Variants in DLGAP2 observed in about 807,000 individuals in gnomAD.
The protein encoded by DLGAP2 is DLG associated protein 2.
In DLGAP2, 26 loss-of-function variants were observed where a neutral mutation model predicts 100.3. The ratio of observed to expected loss-of-function variants is 0.26; its 90% CI spans 0.19 to 0.36. DLGAP2 has a LOEUF of 0.36. Among genes scored for constraint, DLGAP2 ranks in the 10% least tolerant of loss-of-function variants. DLGAP2 has a pLI of 1.00. For synonymous variants in DLGAP2, 886 were observed against 630.1 expected, an observed-to-expected ratio of 1.41 and a Z score of -6.08; for missense variants, 1,858 against 1,453.2, an observed-to-expected ratio of 1.28 and a Z score of -4.53.
chr8:825,273 C>T (rs1235636485), intron 1 of DLGAP2, among the ~76,000 whole-genome samples: 2 of 152,218 alleles, frequency 1.3e-5, no homozygotes, highest in Non-Finnish European at 2.9e-5. Flanking sequence ...TCAGGTTGTG[C>T]TGTTAGATTC....
chr8:1,212,124 A>T (rs775990094), intron 2 of DLGAP2, among the ~76,000 whole-genome samples: 1 of 152,198 alleles, frequency 6.6e-6, no homozygotes, highest in Non-Finnish European at 1.5e-5. Flanking sequence ...AGAATATCGA[A>T]TGTGCAGAAA....
At chr8:963,620 G>A (rs1186849999) in intron 2 of DLGAP2, among the ~76,000 whole-genome samples, 2 of 152,106 alleles carry the variant, frequency 1.3e-5, no homozygotes, top group Non-Finnish European at 2.9e-5. Flanking sequence ...TTTACAAAAA[G>A]GAAATTGAGA....
chr8:897,837 G>A (rs951932280), intron 1 of DLGAP2, among the ~76,000 whole-genome samples: 1 of 152,276 alleles, frequency 6.6e-6, no homozygotes, highest in South Asian at 2.1e-4. Context: ...TCTCCGTGCG[G>A]GGTTGGCTCC....
At chr8:1,640,290 G>A (rs1475070446) in intron 8 of DLGAP2, among the ~76,000 whole-genome samples, 1 of 151,936 alleles carries the variant, frequency 6.6e-6, no homozygotes, top group Admixed American at 6.6e-5. Context: ...AAGCCCAGGT[G>A]TGCTGCCCCG....
chr8:1,332,949 C>A (rs983811310), intron 3 of DLGAP2, among the ~76,000 whole-genome samples: 6 of 152,190 alleles, frequency 3.9e-5, no homozygotes, highest in Admixed American at 3.9e-4. Flanking sequence ...CAGCAGCAAG[C>A]CTACTCCCTT....
intron 2 of DLGAP2, among the ~76,000 whole-genome samples, chr8:1,142,762 G>A (rs964054308): frequency 1.3e-5 from 2 of 152,106 alleles, no homozygotes; most frequent in Non-Finnish European, 2.9e-5. Flanking sequence ...CATGGGGAGG[G>A]TGAGGGGAGG....
intron 2 of DLGAP2, among the ~76,000 whole-genome samples, chr8:1,164,735 C>T (rs62487541): frequency 0.19 from 28,236 of 151,996 alleles, 2,810 homozygotes; most frequent in Middle Eastern, 0.34. Context: ...CCTCCAGGCC[C>T]GAAACAAATG....
intron 3 of DLGAP2, among the ~76,000 whole-genome samples, chr8:1,458,341 A>G (rs2130141472): frequency 6.6e-6 from 1 of 152,262 alleles, no homozygotes; most frequent in South Asian, 2.1e-4. Context: ...CCTTCCCCAC[A>G]GTAAGGATAA....
At chr8:1,325,423 G>A (rs1800998745) in intron 3 of DLGAP2, among the ~76,000 whole-genome samples, 1 of 152,224 alleles carries the variant, frequency 6.6e-6, no homozygotes, top group Non-Finnish European at 1.5e-5. Flanking sequence ...CGACCCTGCA[G>A]CCCGGCTGCT....
At chr8:1,168,957 A>G (rs1006434232) in intron 2 of DLGAP2, among the ~76,000 whole-genome samples, 3 of 143,624 alleles carry the variant, frequency 2.1e-5, no homozygotes, top group Non-Finnish European at 3.0e-5. Flanking sequence ...GTCCTTGCCC[A>G]TGCCTATGTC....
chr8:1,161,049 TA>T (rs1286994594), intron 2 of DLGAP2, among the ~76,000 whole-genome samples: 32 of 152,380 alleles, frequency 2.1e-4, no homozygotes, highest in Admixed American at 9.1e-4. Flanking sequence ...TGAAGGTACT[TA>T]AAAAATTGAT....
chr8:1,246,238 G>A (rs896446990), intron 2 of DLGAP2, among the ~76,000 whole-genome samples: 9 of 152,272 alleles, frequency 5.9e-5, no homozygotes, highest in East Asian at 3.9e-4. Context: ...AGGTGAGAAC[G>A]CAACCACAAA....
chr8:1,317,270 A>C (rs1335967005), intron 3 of DLGAP2, among the ~76,000 whole-genome samples: 20 of 133,408 alleles, frequency 1.5e-4, no homozygotes, highest in East Asian at 6.9e-4. Context: ...GCGTCTCTCC[A>C]ACAGTGGTCT....
At chr8:1,515,439 C>T (rs959012787) in intron 4 of DLGAP2, among the ~76,000 whole-genome samples, 2 of 104,594 alleles carry the variant, frequency 1.9e-5, no homozygotes, top group Non-Finnish European at 4.2e-5. Context: ...GACACATGCA[C>T]ACACACGTGC....
intron 1 of DLGAP2, among the ~76,000 whole-genome samples, chr8:880,422 G>A (rs1797765388): frequency 1.3e-5 from 2 of 152,132 alleles, no homozygotes; most frequent in African/African-American, 4.8e-5. Flanking sequence ...TGGCTCCTGT[G>A]CGGGGTGACC....
chr8:1,087,758 C>G (rs1228747134), intron 2 of DLGAP2, among the ~76,000 whole-genome samples: 1 of 152,232 alleles, frequency 6.6e-6, no homozygotes, highest in East Asian at 1.9e-4. Flanking sequence ...TTGGTTATCA[C>G]TAACAACCCA....
At chr8:1,591,490 A>T (rs867061318) in intron 6 of DLGAP2, among the ~76,000 whole-genome samples, 5 of 152,000 alleles carry the variant, frequency 3.3e-5, no homozygotes, top group Middle Eastern at 6.8e-3. Context: ...TTTCTTTTCT[A>T]ACATGGAGAG....
intron 3 of DLGAP2, among the ~76,000 whole-genome samples, chr8:1,278,747 C>T (rs954303606): frequency 2.6e-5 from 4 of 152,116 alleles, no homozygotes; most frequent in African/African-American, 9.7e-5. Context: ...AAATGAATTA[C>T]ATAATGAAGA....
chr8:1,683,690 C>G (rs576898466), intron 12 of DLGAP2, among the ~76,000 whole-genome samples: 6 of 149,074 alleles, frequency 4.0e-5, no homozygotes, highest in African/African-American at 1.5e-4. Context: ...CACACTCCTG[C>G]TCACACCTTT....
Sources: allele counts gnomAD v4.1 joint callset (sites outside exome capture counted in the v4.1 genomes callset), GRCh38; gene constraint gnomAD v4.1.1; transcripts MANE v1.5; gene names NCBI Gene and HGNC (gene_info 2026-07-23, HGNC 2026-07-21).